Variants in SRBD1 observed in about 807,000 individuals in gnomAD.
SRBD1 encodes S1 RNA-binding domain-containing protein 1.
Under a neutral mutation model 115.3 loss-of-function variants are expected in SRBD1, and 88 were observed. The observed-to-expected ratio is 0.76, with a 90% CI of 0.64 to 0.91. The LOEUF is 0.91. Ranked by LOEUF, SRBD1 falls within the 40% of genes least tolerant of loss-of-function variation. The pLI is 0.00. For synonymous variants in SRBD1, 509 were observed against 407.7 expected, an observed-to-expected ratio of 1.25 and a Z score of -2.99; for missense variants, 1,385 against 1,177.4, an observed-to-expected ratio of 1.18 and a Z score of -2.58.
At chr2:45,431,387 C>G (rs1226418717) in intron 16 of SRBD1, among the ~76,000 whole-genome samples, 1 of 152,146 alleles carries the variant, frequency 6.6e-6, no homozygotes. Flanking sequence ...GGAACCAACC[C>G]AAATGCCCAT....
chr2:45,570,471 C>T (rs942402312), intron 9 of SRBD1, among the ~76,000 whole-genome samples: 1 of 152,032 alleles, frequency 6.6e-6, no homozygotes, highest in East Asian at 1.9e-4. Context: ...GAGGAGTGTG[C>T]GATACTGTAT....
intron 14 of SRBD1, among the ~76,000 whole-genome samples, chr2:45,516,939 A>C (rs2103942873): frequency 6.6e-6 from 1 of 152,330 alleles, no homozygotes; most frequent in Non-Finnish European, 1.5e-5. Context: ...TACATCAGTA[A>C]ATAAATACCC....
At chr2:45,473,673 G>A (rs1669718605) in intron 16 of SRBD1, among the ~76,000 whole-genome samples, 2 of 151,674 alleles carry the variant, frequency 1.3e-5, no homozygotes, top group Admixed American at 6.6e-5. Context: ...TAATAGGACT[G>A]TTGTCAATCT....
intron 19 of SRBD1, among the ~76,000 whole-genome samples, chr2:45,408,256 G>A (rs1240137603): frequency 6.6e-6 from 1 of 152,148 alleles, no homozygotes; most frequent in Non-Finnish European, 1.5e-5. Context: ...TATGCTGAGT[G>A]ATGTTTAAAC....
At chr2:45,596,742 C>G (rs72882486) in intron 4 of SRBD1, among the ~76,000 whole-genome samples, 4,047 of 152,146 alleles carry the variant, frequency 0.027, 188 homozygotes, top group African/African-American at 0.091. Context: ...ATTATGATCC[C>G]TTGTCAATTA....
intron 19 of SRBD1, among the ~76,000 whole-genome samples, chr2:45,400,062 G>A (rs1667251009): frequency 6.6e-6 from 1 of 152,178 alleles, no homozygotes; most frequent in Non-Finnish European, 1.5e-5. Context: ...ATGCCATCCT[G>A]TCAAGGAATC....
At chr2:45,423,795 C>T (rs979562824) in intron 16 of SRBD1, among the ~76,000 whole-genome samples, 3 of 152,038 alleles carry the variant, frequency 2.0e-5, no homozygotes, top group Admixed American at 2.0e-4. Context: ...AAATCCTCAA[C>T]AAAATACTAA....
chr2:45,553,870 G>T (rs996285360), intron 10 of SRBD1, 140 bp from the exon 11 acceptor site: 11 of 450,488 alleles, frequency 2.4e-5, no homozygotes, highest in South Asian at 5.3e-5. Flanking sequence ...TGTGAGGAAA[G>T]GCTGTGGTAT....
intron 5 of SRBD1, 65 bp from the exon 6 acceptor site, chr2:45,581,875 T>G: frequency 1.5e-6 from 2 of 1,309,238 alleles, no homozygotes; most frequent in South Asian, 2.5e-5. Flanking sequence ...CAAAGCTACC[T>G]CAAACTTACA....
intron 14 of SRBD1, among the ~76,000 whole-genome samples, chr2:45,524,385 T>A (rs1484509021): frequency 6.6e-6 from 1 of 152,006 alleles, no homozygotes; most frequent in Non-Finnish European, 1.5e-5. Flanking sequence ...ATAACATTAT[T>A]TTGCATATAG....
intron 16 of SRBD1, among the ~76,000 whole-genome samples, chr2:45,454,937 A>G (rs970149943): frequency 1.3e-5 from 2 of 151,854 alleles, no homozygotes; most frequent in African/African-American, 2.4e-5. Flanking sequence ...TCTTGAATCC[A>G]TAATTTTTAT....
chr2:45,389,700 A>G, intron 20 of SRBD1, 101 bp from the exon 21 acceptor site: 2 of 1,159,414 alleles, frequency 1.7e-6, no homozygotes, highest in Non-Finnish European at 2.4e-6. Flanking sequence ...GCCCAGACCA[A>G]TATTAAAGAT....
intron 15 of SRBD1, among the ~76,000 whole-genome samples, chr2:45,483,518 T>C (rs1277158317): frequency 6.6e-6 from 1 of 152,126 alleles, no homozygotes; most frequent in Non-Finnish European, 1.5e-5. Context: ...AAGAATGTCA[T>C]GGGTTTTGGC....
At chr2:45,489,840 C>T (rs995057012) in intron 14 of SRBD1, among the ~76,000 whole-genome samples, 1 of 150,580 alleles carries the variant, frequency 6.6e-6, no homozygotes, top group African/African-American at 2.5e-5. Context: ...TTCTCAAACT[C>T]TCAATAAAAT....
intron 16 of SRBD1, among the ~76,000 whole-genome samples, chr2:45,473,584 A>G (rs1669715667): frequency 6.6e-6 from 1 of 152,346 alleles, no homozygotes; most frequent in South Asian, 2.1e-4. Flanking sequence ...TGCCTGATTT[A>G]GAATTATGAG....
intron 19 of SRBD1, among the ~76,000 whole-genome samples, chr2:45,403,535 T>C (rs989829329): frequency 2.6e-5 from 4 of 152,200 alleles, no homozygotes; most frequent in African/African-American, 9.6e-5. Context: ...CAGGCTCTTA[T>C]GATCCATGTC....
chr2:45,547,668 T>A lies in SRBD1; in HGVS notation c.1676-56A>T, dbSNP rs557661668. The A allele has an allele frequency of 2.7e-4, 382 of 1,438,344 alleles. 2 individuals are homozygous for A. The African/African-American group carries it at 4.5e-3, about 17-fold the overall frequency. 89.1% of individuals were successfully genotyped at this position (1,438,344 alleles called of 1,614,324 possible). A position where few individuals can be genotyped will look rare whatever the true frequency, so the allele number is the denominator to read the frequency against. On this transcript the variant is annotated intron_variant, in intron 12 of 20. Transcript: ENST00000263736. ...ATAAGAAATTACAAAGTGAAACACA[T>A]GAATGATTTTGTTAAGCAAGTTGTA...
intron 14 of SRBD1, among the ~76,000 whole-genome samples, chr2:45,543,111 G>A (rs558261459): frequency 2.3e-4 from 35 of 152,224 alleles, no homozygotes; most frequent in African/African-American, 7.7e-4. Flanking sequence ...AATTTTTCAC[G>A]AACATTTTCA....
chr2:45,526,211 C>G (rs1021718173), intron 14 of SRBD1, among the ~76,000 whole-genome samples: 1 of 151,876 alleles, frequency 6.6e-6, no homozygotes, highest in Admixed American at 6.6e-5. Flanking sequence ...CAATGTCAAT[C>G]GACTAATAAA....
Sources: gnomAD v4.1 joint callset for allele counts (sites outside exome capture counted in the v4.1 genomes callset) on GRCh38, gnomAD v4.1.1 for gene constraint, MANE v1.5 for transcripts, NCBI Gene and HGNC (gene_info 2026-07-23, HGNC 2026-07-21) for gene names.